FAM153A: variants seen among roughly 807,000 people sequenced by gnomAD.
FAM153A encodes the protein family with sequence similarity 153 member A.
A neutral mutation model predicts 48.1 loss-of-function variants in FAM153A; 12 were observed. That is an observed-to-expected ratio of 0.25 (90% confidence interval 0.16 to 0.40). The LOEUF is 0.40. FAM153A is among the 10% of genes least tolerant of loss of function. The pLI is 1.00. For missense variants in FAM153A, 111 were observed against 345.8 expected (o/e 0.32, Z 5.38); for synonymous variants, 36 against 118.2 (o/e 0.30, Z 4.51).
intron 4 of FAM153A, among the ~76,000 whole-genome samples, chr5:177,746,542 C>A (rs1766033041): frequency 6.6e-6 from 1 of 151,548 alleles, no homozygotes; most frequent in African/African-American, 2.4e-5. Flanking sequence ...TATTCACTAA[C>A]CTTTTGTTTC....
rs560958633 is a variant in FAM153A, at chr5:177,769,862, G to A, written c.-57+10587C>T. On this transcript the variant is annotated intron_variant, in intron 1 of 8. Coordinates refer to the FAM153A transcript ENST00000393518. Reference sequence around the variant, plus strand: ...TTCAGAGAGAAGCTTAAGAAACACCGGCGTGGTGTGCCAGGCTGCCAGGCA... The same window carrying A: ...TTCAGAGAGAAGCTTAAGAAACACCAGCGTGGTGTGCCAGGCTGCCAGGCA... Among the ~76,000 whole-genome samples, 13 of 96,880 alleles carry A rather than the reference G, an allele frequency of 1.3e-4. 4 individuals carry two copies. Among genetic ancestry groups the A allele is most frequent in the Non-Finnish European group, 2.8e-4 (13 of 46,844 alleles). The allele number at this position is 96,880 out of a possible 152,430, so 63.6% of individuals were successfully genotyped here. A position where few individuals can be genotyped will look rare whatever the true frequency, so the allele number is the denominator to read the frequency against.
chr5:177,701,461 T>C, the FAM153A span, among the ~76,000 whole-genome samples: 2 of 151,668 alleles, frequency 1.3e-5, no homozygotes, highest in African/African-American at 2.4e-5. Flanking sequence ...GCTACTTGGG[T>C]GGCTGAGGCA....
downstream of FAM153A, among the ~76,000 whole-genome samples, chr5:177,709,257 CTTTTTTTT>C (rs59687881): frequency 8.6e-6 from 1 of 116,380 alleles, no homozygotes; most frequent in Non-Finnish European, 1.7e-5. Context: ...AAAAAGGAAT[CTTTTTTTT>C]TTTTTTTTTT....
chr5:177,728,559 T>C (rs1281503683), intron 18 of FAM153A, among the ~76,000 whole-genome samples: 1 of 146,944 alleles, frequency 6.8e-6, no homozygotes, highest in South Asian at 2.1e-4. Flanking sequence ...GGGTGTTTTT[T>C]TTTTTGTTTG....
downstream of FAM153A, among the ~76,000 whole-genome samples, chr5:177,704,543 A>G: frequency 7.4e-6 from 1 of 134,396 alleles, no homozygotes; most frequent in Non-Finnish European, 1.6e-5. Flanking sequence ...GAGGTCGGGC[A>G]TGGTGGGAGG....
intron 25 of FAM153A, among the ~76,000 whole-genome samples, chr5:177,715,691 A>C (rs557303010): frequency 6.6e-6 from 1 of 151,864 alleles, no homozygotes; most frequent in Non-Finnish European, 1.5e-5. Flanking sequence ...CTTATGGATT[A>C]AACACTTTTT....
At chr5:177,705,326 C>G (rs1433924609), downstream of FAM153A, among the ~76,000 whole-genome samples, 1 of 133,566 alleles carries the variant, frequency 7.5e-6, no homozygotes, top group Non-Finnish European at 1.6e-5. Flanking sequence ...GTATATGGCA[C>G]CCCCACCCCC....
exon 27 of FAM153A, chr5:177,712,710 G>T (rs1006228468): frequency 1.3e-5 from 2 of 151,552 alleles, no homozygotes; most frequent in African/African-American, 4.9e-5. Context: ...ATATGGCTGT[G>T]GGTTTGAGGT....
the FAM153A span, among the ~76,000 whole-genome samples, chr5:177,696,356 G>A: frequency 2.8e-5 from 4 of 143,186 alleles, no homozygotes; most frequent in Admixed American, 2.1e-4. Flanking sequence ...GGGCAGAGGC[G>A]CTCCTCAATT....
the FAM153A span, among the ~76,000 whole-genome samples, chr5:177,702,506 CA>C: frequency 6.6e-6 from 1 of 151,928 alleles, no homozygotes; most frequent in African/African-American, 2.4e-5. Flanking sequence ...GGGATGAATT[CA>C]AGCAGGCTGC....
intron 1 of FAM153A, among the ~76,000 whole-genome samples, chr5:177,758,348 A>G (rs960816000): frequency 7.1e-6 from 1 of 141,388 alleles, no homozygotes; most frequent in Non-Finnish European, 1.6e-5. Flanking sequence ...ATGGAAGAAC[A>G]TTCCATGCTC....
chr5:177,776,662 A>T (rs1769340380), intron 1 of FAM153A, among the ~76,000 whole-genome samples: 1 of 46,294 alleles, frequency 2.2e-5, no homozygotes, highest in Non-Finnish European at 4.0e-5. Flanking sequence ...AAGAATCAAT[A>T]TCGTGAAAAT....
rs770699650 is a variant in FAM153A at position 177,734,909 on chromosome 5, T to A, written c.689A>T (p.Glu230Val). 27 of 1,535,650 alleles carry A rather than the reference T, an allele frequency of 1.8e-5. No homozygotes were observed. In the Middle Eastern group the frequency reaches 1.0e-3, roughly 58 times the overall value. Residue 230 changes from glutamate to valine, a missense_variant, in exon 13 of 21, where the codon GAG becomes GTG. This residue lies in a region of FAM153A where 57 missense variants were observed against 104.0 expected (regional missense o/e 0.55). Coordinates refer to ENST00000614127, the Ensembl canonical transcript of FAM153A. ...CTCCTCACCGTTGTAACTGGACAGC[T>A]CCTGAAGTACATCCCTGATCAGAAC...
chr5:177,718,277 T>C (rs1310077863), downstream of FAM153A: 1 of 64,296 alleles, frequency 1.6e-5, no homozygotes, highest in Non-Finnish European at 3.5e-5. Flanking sequence ...TAATTTTCTG[T>C]AGGCAAGGGA....
At chr5:177,754,719 C>A (rs1189864107), upstream of FAM153A, among the ~76,000 whole-genome samples, 1 of 152,010 alleles carries the variant, frequency 6.6e-6, no homozygotes, top group South Asian at 2.1e-4. Context: ...GACACCCAGG[C>A]AAACAAGGTC....
At chr5:177,752,638 A>G (rs866076546) in intron 1 of FAM153A, among the ~76,000 whole-genome samples, 113 of 98,730 alleles carry the variant, frequency 1.1e-3, no homozygotes, top group African/African-American at 4.4e-3. Flanking sequence ...AAAAAAAAAA[A>G]AAAAGAAAAG....
At chr5:177,704,520 G>A (rs1275080797), downstream of FAM153A, among the ~76,000 whole-genome samples, 4 of 116,570 alleles carry the variant, frequency 3.4e-5, no homozygotes, top group African/African-American at 1.2e-4. Context: ...CCATGGAGGC[G>A]GTTTCTCTGT....
chr5:177,707,073 C>T (rs1363023594), downstream of FAM153A, among the ~76,000 whole-genome samples: 1 of 151,946 alleles, frequency 6.6e-6, no homozygotes, highest in Non-Finnish European at 1.5e-5. Context: ...GAGCAACAGA[C>T]AGAGACAGAC....
At chr5:177,737,960 A>T (rs1764943775) in intron 10 of FAM153A, among the ~76,000 whole-genome samples, 1 of 151,688 alleles carries the variant, frequency 6.6e-6, no homozygotes, top group Admixed American at 6.6e-5. Flanking sequence ...CCTACCATTT[A>T]AAGATGACTG....
Sources: allele counts gnomAD v4.1 joint callset (sites outside exome capture counted in the v4.1 genomes callset), GRCh38; gene constraint gnomAD v4.1.1; regional missense constraint gnomAD v4.1.1; transcripts MANE v1.5; gene names NCBI Gene and HGNC (gene_info 2026-07-23, HGNC 2026-07-21).